Variants in SLF2 observed in about 807,000 individuals in gnomAD.
SLF2 encodes the protein SMC5-SMC6 complex localization factor protein 2.
SLF2 carries 68 observed loss-of-function variants against 124.3 expected under a neutral mutation model. The ratio of observed to expected loss-of-function variants is 0.55; its 90% CI spans 0.45 to 0.67. SLF2 has a LOEUF of 0.67. Ranked by LOEUF, SLF2 falls within the 30% of genes least tolerant of loss-of-function variation. The pLI is 0.00. For synonymous variants in SLF2, 480 were observed against 478.8 expected, an observed-to-expected ratio of 1.00 and a Z score of -0.03; for missense variants, 1,246 against 1,373.7, an observed-to-expected ratio of 0.91 and a Z score of 1.47.
intron 5 of SLF2, among the ~76,000 whole-genome samples, chr10:100,925,458 T>C (rs1849596641): frequency 6.6e-6 from 1 of 152,230 alleles, no homozygotes; most frequent in Non-Finnish European, 1.5e-5. Context: ...CCCCCTGCTT[T>C]GGAGACCACA....
At chr10:100,930,050 AAC>A in intron 8 of SLF2, 53 bp downstream of exon 8, 1 of 1,200,948 alleles carries the variant, frequency 8.3e-7, no homozygotes, top group Non-Finnish European at 1.1e-6. Context: ...ATTACTCTAA[AAC>A]ACTTCTGACT....
chr10:100,942,975 AC>A (rs1384712836), intron 11 of SLF2, among the ~76,000 whole-genome samples: 6 of 150,826 alleles, frequency 4.0e-5, no homozygotes, highest in Non-Finnish European at 1.5e-5. Flanking sequence ...AGCTCTCTGA[AC>A]TTTAGGGTAT....
At chr10:100,945,740 C>G (rs1275549771) in intron 13 of SLF2, among the ~76,000 whole-genome samples, 1 of 152,206 alleles carries the variant, frequency 6.6e-6, no homozygotes, top group East Asian at 1.9e-4. Flanking sequence ...TTCCTATGGA[C>G]TAAGCATTAA....
Position 100,924,647 on chromosome 10 carries a change from A to G in SLF2, c.1646A>G (p.Tyr549Cys). ...TCTGGGGGACCTTTGCGCTCAGAAT[A>G]TGGCACTCCTACAAAGTCTCCCCCT... ...KISGGPLRSE[Y>C]GTPTKSPPAA... Residue 549 changes from tyrosine (Y) to cysteine (C), a missense_variant, in exon 5 of 20, where the codon TAT (tyrosine) becomes TGT (cysteine). By Grantham distance (194) the Tyr-to-Cys change is radical. Coordinates refer to ENST00000238961, the MANE Select transcript of SLF2 (RefSeq NM_018121.4). The G allele has an allele frequency of 6.2e-7, 1 of 1,614,082 alleles. No homozygotes were observed. The highest frequency in any genetic ancestry group is 8.5e-7 in the Non-Finnish European group (1 of 1,180,038).
In SLF2 at chr10:100,929,440, G is replaced by A. The variant is rs753951128; in HGVS notation, c.2165+1G>A. 3 of 1,581,014 alleles carry A rather than the reference G, an allele frequency of 1.9e-6. No individual in the cohort carries two copies. Among genetic ancestry groups the A allele is most frequent in the South Asian group, 2.4e-5 (2 of 85,032 alleles). On this transcript the variant is annotated splice_donor_variant, in intron 7 of 19. Transcript: ENST00000238961. LOFTEE classifies it high-confidence loss of function. Reference sequence around the variant, plus strand: ...AGGATGGCCTCTTAGAAGAGCACAAGTATAGCATTTTTCATAATGTATTTT... The same window carrying A: ...AGGATGGCCTCTTAGAAGAGCACAAATATAGCATTTTTCATAATGTATTTT...
chr10:100,918,380 A>G lies in SLF2; in HGVS notation c.916-4A>G. The stretch of plus-strand genomic sequence containing the variant: ...TAATTAATTTTATCTCATTGTGCTC[A>G]TAGGAAAATGGACATCTCTCAAGAA... On this transcript the variant is annotated splice_polypyrimidine_tract_variant and splice_region_variant and intron_variant, in intron 3 of 19. Coordinates refer to ENST00000238961, the MANE Select transcript of SLF2 (RefSeq NM_018121.4). The G allele has an allele frequency of 1.3e-6, 2 of 1,584,894 alleles. No individual in the cohort carries two copies. Among genetic ancestry groups the G allele is most frequent in the South Asian group, 2.3e-5 (2 of 87,266 alleles).
chr10:100,924,701 C>T lies in SLF2; in HGVS notation c.1700C>T (p.Pro567Leu). ...GCTTTGGAAGTTGTGCCATGTATCC[C>T]AAGCCCTGCAGCACCTTCAGATAAA... ...PAALEVVPCI[P>L]SPAAPSDKAP... Residue 567 changes from proline to leucine, a missense_variant, in exon 5 of 20, where the codon CCA becomes CTA. By Grantham distance (98) the Pro-to-Leu change is moderately conservative. Coordinates refer to ENST00000238961, the MANE Select transcript of SLF2 (RefSeq NM_018121.4). 6.2e-7 allele frequency: 1 copy of T among 1,614,168 alleles called. No homozygotes were observed. The highest frequency in any genetic ancestry group is 8.5e-7 in the Non-Finnish European group (1 of 1,180,036).
rs780251681 is a variant in SLF2, at chr10:100,924,833, A to G, written c.1832A>G (p.Asn611Ser). Residue 611 changes from asparagine (N) to serine (S), a missense_variant, in exon 5 of 20, where the codon AAC (asparagine) becomes AGC (serine). Physicochemically the swap from Asn to Ser is conservative, Grantham distance 46 (BLOSUM62 1). Transcript: ENST00000238961. ...FDSDEESLGY[N>S]LDSDEEEETL... ...AGTGATGAAGAAAGTTTAGGTTACA[A>G]CCTAGACAGTGATGAGGAAGAGGAA... 1.2e-6 allele frequency: 2 copies of G among 1,614,210 alleles called. No homozygotes were observed. Among genetic ancestry groups the G allele is most frequent in the Non-Finnish European group, 1.7e-6 (2 of 1,180,038 alleles).
At chr10:100,955,830 T>C (rs1462858021) in intron 17 of SLF2, among the ~76,000 whole-genome samples, 1 of 150,888 alleles carries the variant, frequency 6.6e-6, no homozygotes, top group Non-Finnish European at 1.5e-5. Context: ...CGCCTGAACC[T>C]GGGAGCCAGA....
rs757735418 is a variant in SLF2, at chr10:100,945,341, G to T, written c.2769G>T (p.Leu923Phe). 4 of 1,584,454 alleles carry T rather than the reference G, an allele frequency of 2.5e-6. No homozygotes were observed. The highest frequency in any genetic ancestry group is 2.7e-5 in the African/African-American group (2 of 73,010). ...NILNVVKFLG[L>F]CTSIHPEGYQ... The stretch of plus-strand genomic sequence containing the variant: ...TTTATGTTAAACAGTTTCTAGGCTT[G>T]TGTACATCTATACATCCAGAAGGTT... Residue 923 changes from leucine to phenylalanine, a missense_variant, in exon 13 of 20, where the codon TTG becomes TTT. Coordinates refer to ENST00000238961, the MANE Select transcript of SLF2 (RefSeq NM_018121.4).
chr10:100,914,032 G>A, intron 1 of SLF2: 1 of 330,658 alleles, frequency 3.0e-6, no homozygotes, highest in Non-Finnish European at 4.3e-6. Flanking sequence ...TTTTCAGTAA[G>A]TTTGGCACCA....
At chr10:100,915,941 G>T in intron 1 of SLF2, 58 bp from the exon 2 acceptor site, 1 of 1,290,030 alleles carries the variant, frequency 7.8e-7, no homozygotes, top group South Asian at 1.2e-5. Flanking sequence ...CATTTAATCT[G>T]AGTTATGAAG....
At chr10:100,936,314 CT>C (rs1216351731) in intron 9 of SLF2, among the ~76,000 whole-genome samples, 3 of 110,576 alleles carry the variant, frequency 2.7e-5, no homozygotes, top group East Asian at 2.6e-4. Context: ...TCAGTGATAT[CT>C]TTTTTTGTTT....
chr10:100,930,435 T>G (rs914663170), intron 8 of SLF2, among the ~76,000 whole-genome samples: 5 of 152,210 alleles, frequency 3.3e-5, no homozygotes, highest in African/African-American at 1.2e-4. Context: ...ACACACTAAG[T>G]TAGTTGAATA....
chr10:100,935,550 C>T (rs1849829754), intron 9 of SLF2, among the ~76,000 whole-genome samples: 1 of 149,792 alleles, frequency 6.7e-6, no homozygotes, highest in African/African-American at 2.5e-5. Flanking sequence ...AATGGTGGCG[C>T]AGGCCTATAG....
At chr10:100,943,961 A>C in intron 11 of SLF2, 65 bp from the exon 12 acceptor site, 2 of 1,022,302 alleles carry the variant, frequency 2.0e-6, no homozygotes, top group African/African-American at 1.7e-5. Flanking sequence ...AGTAGCCCAG[A>C]ATTTCTTAAA....
At chr10:100,939,328 C>T (rs932055399) in intron 11 of SLF2, among the ~76,000 whole-genome samples, 7 of 151,444 alleles carry the variant, frequency 4.6e-5, no homozygotes, top group Non-Finnish European at 7.4e-5. Flanking sequence ...GAAGTTGCAG[C>T]GAGTTCACCA....
At chr10:100,952,270 G>A (rs193017287) in intron 17 of SLF2, among the ~76,000 whole-genome samples, 2 of 150,376 alleles carry the variant, frequency 1.3e-5, no homozygotes, top group African/African-American at 4.9e-5. Flanking sequence ...GGCTGGACGT[G>A]GTGGCTCATG....
chr10:100,944,321 C>T (rs1400143235), intron 12 of SLF2, among the ~76,000 whole-genome samples, 193 bp downstream of exon 12: 2 of 151,880 alleles, frequency 1.3e-5, no homozygotes, highest in South Asian at 2.1e-4. Flanking sequence ...CGGTGAAAAC[C>T]CGTCTCTACT....
Sources: gnomAD v4.1 joint callset for allele counts (sites outside exome capture counted in the v4.1 genomes callset) on GRCh38, gnomAD v4.1.1 for gene constraint, MANE v1.5 for transcripts, NCBI Gene and HGNC (gene_info 2026-07-23, HGNC 2026-07-21) for gene names.